Variants in EFCAB14 observed in about 807,000 individuals in gnomAD.
The protein encoded by EFCAB14 is EF-hand calcium binding domain 14.
In EFCAB14, 43 loss-of-function variants were observed where a neutral mutation model predicts 56.5. The ratio of observed to expected loss-of-function variants is 0.76; its 90% CI spans 0.60 to 0.98. The LOEUF (loss-of-function observed/expected upper bound fraction) is 0.98, where lower values mean the gene tolerates loss of function less well. EFCAB14 is among the 50% of genes least tolerant of loss of function. The pLI, the probability that EFCAB14 is intolerant of heterozygous loss-of-function variation, is 0.00. For missense variants in EFCAB14, 538 were observed against 580.3 expected (o/e 0.93, Z 0.75); for synonymous variants, 235 against 212.9 (o/e 1.10, Z -0.90).
Position 46,675,589 on chromosome 1 carries a change from T to C in EFCAB14, c.*2872A>G, listed in dbSNP as rs1569666237. On this transcript the variant is annotated 3_prime_UTR_variant, in exon 11 of 11. Transcript: ENST00000371933. ...GACCGGCAGGACCAGCAAGGGGGGG[T>C]GTTGAAGGGGTTATGAACAGCAACC... 1 of 148,460 alleles carries C rather than the reference T, an allele frequency of 6.7e-6. No individual in the cohort carries two copies. Among genetic ancestry groups the C allele is most frequent in the African/African-American group, 2.5e-5 (1 of 39,872 alleles). The allele number at this position is 148,460 out of a possible 1,614,324, so 9.2% of individuals were successfully genotyped here.
Position 46,696,587 on chromosome 1 carries a change from C to T in EFCAB14, c.543G>A (p.Leu181=). Residue 181 remains leucine, a synonymous_variant, in exon 4 of 11, where the codon TTG becomes TTA. Transcript: ENST00000371933. ...LKANVKSAAD[L]ISLPTTVEGL... is the part of the protein sequence containing the mutation. The stretch of plus-strand genomic sequence containing the variant: ...CCTCTACAGTGGTAGGCAGGCTAAT[C>T]AAGTCTGCAGCTGACTTAACATTGG... 6.2e-7 allele frequency: 1 copy of T among 1,613,636 alleles called. No homozygotes were observed. The highest frequency in any genetic ancestry group is 8.5e-7 in the Non-Finnish European group (1 of 1,179,700).
At chr1:46,701,483 T>C (rs1171959983) in intron 3 of EFCAB14, among the ~76,000 whole-genome samples, 3 of 152,210 alleles carry the variant, frequency 2.0e-5, no homozygotes, top group African/African-American at 7.2e-5. Context: ...AAGCTGTTCT[T>C]TGGGTAAAAA....
chr1:46,691,684 G>T, intron 5 of EFCAB14, 143 bp downstream of exon 5: 1 of 519,674 alleles, frequency 1.9e-6, no homozygotes, highest in Non-Finnish European at 3.4e-6. Flanking sequence ...TTAACAAATT[G>T]TAGAACAATC....
At chr1:46,695,231 A>G (rs1005394230) in intron 4 of EFCAB14, among the ~76,000 whole-genome samples, 3 of 152,330 alleles carry the variant, frequency 2.0e-5, no homozygotes, top group Admixed American at 2.0e-4. Context: ...AAAAAAAAGA[A>G]TAAACCAGTT....
At chr1:46,689,789 T>C in intron 5 of EFCAB14, 98 bp from the exon 6 acceptor site, 1 of 1,028,398 alleles carries the variant, frequency 9.7e-7, no homozygotes, top group Non-Finnish European at 1.5e-6. Flanking sequence ...TCCCCCAGAA[T>C]GCATCCACAG....
chr1:46,708,165 A>G lies in EFCAB14; in HGVS notation c.335-114T>C, dbSNP rs911537565. ...GATGGATTAATAAAAGTTAATTCTGACATTGTTCTTTTATTTATGTAAATA... is the reference window on the plus strand; with the variant it reads ...GATGGATTAATAAAAGTTAATTCTGGCATTGTTCTTTTATTTATGTAAATA... On this transcript the variant is annotated intron_variant, in intron 2 of 10. Transcript: ENST00000371933. 2.7e-5 allele frequency: 28 copies of G among 1,024,676 alleles called. No homozygotes were observed. In the African/African-American group the frequency reaches 2.8e-4, roughly 10 times the overall value. 63.5% of individuals were successfully genotyped at this position (1,024,676 alleles called of 1,614,324 possible). A position where few individuals can be genotyped will look rare whatever the true frequency, so the allele number is the denominator to read the frequency against.
chr1:46,712,786 T>C lies in EFCAB14; in HGVS notation c.334+3509A>G, dbSNP rs185819226. On this transcript the variant is annotated intron_variant, in intron 2 of 10. Coordinates refer to ENST00000371933, the MANE Select transcript of EFCAB14 (RefSeq NM_014774.3). Reference sequence around the variant, plus strand: ...ACTTTGGGAGGCCGAGAAGAGTGAATTACCTGAGGTCAGGAGTTCGAGACC... The same window carrying C: ...ACTTTGGGAGGCCGAGAAGAGTGAACTACCTGAGGTCAGGAGTTCGAGACC... 3.9e-5 allele frequency among the ~76,000 whole-genome samples: 6 copies of C among 152,078 alleles called. No individual in the cohort carries two copies. The East Asian group carries it at 1.2e-3, about 29-fold the overall frequency.
chr1:46,682,868 AC>A (rs2148838016), intron 10 of EFCAB14, among the ~76,000 whole-genome samples: 1 of 152,324 alleles, frequency 6.6e-6, no homozygotes, highest in African/African-American at 2.4e-5. Context: ...TACTAAAAAT[AC>A]AAAAAATTAG....
intron 5 of EFCAB14, 65 bp from the exon 6 acceptor site, chr1:46,689,756 G>T: frequency 7.2e-7 from 1 of 1,390,056 alleles, no homozygotes; most frequent in Non-Finnish European, 1.0e-6. Context: ...AACTATCTGA[G>T]ATTGTCCTAG....
chr1:46,716,697 C>T (rs1232124199), intron 1 of EFCAB14, among the ~76,000 whole-genome samples: 1 of 152,136 alleles, frequency 6.6e-6, no homozygotes, highest in Non-Finnish European at 1.5e-5. Context: ...AACCTAAAGG[C>T]ACTGCAGCTG....
At chr1:46,710,144 A>AT (rs759866217) in intron 2 of EFCAB14, among the ~76,000 whole-genome samples, 3 of 152,228 alleles carry the variant, frequency 2.0e-5, no homozygotes, top group Non-Finnish European at 2.9e-5. Flanking sequence ...ATATTTATTC[A>AT]TTTTCCAAAA....
intron 2 of EFCAB14, among the ~76,000 whole-genome samples, chr1:46,714,798 T>A: frequency 7.1e-6 from 1 of 140,956 alleles, no homozygotes; most frequent in Non-Finnish European, 1.5e-5. Flanking sequence ...CAAGACCTTA[T>A]CTCAAAAAAA....
At chr1:46,689,476 C>A in intron 6 of EFCAB14, 111 bp downstream of exon 6, 2 of 974,198 alleles carry the variant, frequency 2.1e-6, no homozygotes, top group Non-Finnish European at 3.2e-6. Context: ...CCCAGGCAGG[C>A]AAATAAATAC....
At position 46,717,999 on chromosome 1, in the gene EFCAB14, C is replaced by T. The variant is rs1312338594; in HGVS notation, c.89G>A (p.Arg30His). 1.2e-6 allele frequency: 2 copies of T among 1,614,184 alleles called. No individual in the cohort carries two copies. Among genetic ancestry groups the T allele is most frequent in the Non-Finnish European group, 1.7e-6 (2 of 1,180,042 alleles). ...GTCGGGAGGCTCAGTGCGAAGCAGG[C>T]GGTGACTGCTTGGGCCTTTCTTGGG... is the stretch of plus-strand genomic sequence containing the variant. ...KKPKKGPSSH[R>H]LLRTEPPDSD... The change falls in exon 1 of 11, where the codon CGC becomes CAC. Residue 30 changes from arginine to histidine, a missense_variant. Physicochemically the swap from Arg to His is conservative, Grantham distance 29. Transcript: ENST00000371933.
intron 3 of EFCAB14, among the ~76,000 whole-genome samples, chr1:46,702,829 G>A (rs1467155729): frequency 2.6e-5 from 4 of 152,196 alleles, no homozygotes; most frequent in Admixed American, 1.3e-4. Context: ...GCTACACAGA[G>A]TACTATAGGA....
chr1:46,682,536 T>C (rs967903375), intron 10 of EFCAB14, among the ~76,000 whole-genome samples: 1 of 152,250 alleles, frequency 6.6e-6, no homozygotes, highest in Admixed American at 6.5e-5. Flanking sequence ...CAACTTTTAC[T>C]TTATTTTACT....
At chr1:46,717,540 T>TA (rs1221291217) in intron 1 of EFCAB14, among the ~76,000 whole-genome samples, 1 of 152,218 alleles carries the variant, frequency 6.6e-6, no homozygotes, top group Non-Finnish European at 1.5e-5. Context: ...TCTGCAGTCT[T>TA]AAAGTCTCTG....
intron 3 of EFCAB14, among the ~76,000 whole-genome samples, chr1:46,698,521 TC>T (rs1677108230): frequency 6.6e-6 from 1 of 152,148 alleles, no homozygotes; most frequent in Admixed American, 6.6e-5. Flanking sequence ...TTTAGACTGA[TC>T]GGTCTGAGGA....
rs184961077 is a variant in EFCAB14 at position 46,685,785 on chromosome 1, C to G, written c.1074+999G>C. ...AACCACCTATTAGTTTTTTTGTGCT[C>G]AAAATTTACATCTGGCTCTTAAGTT... On this transcript the variant is annotated intron_variant, in intron 8 of 10. Transcript: ENST00000371933. 2.1e-3 allele frequency among the ~76,000 whole-genome samples: 319 copies of G among 152,110 alleles called. 2 individuals carry two copies. The highest frequency in any genetic ancestry group is 2.1e-4 in the Non-Finnish European group (14 of 67,982).
Sources: gnomAD v4.1 joint callset for allele counts (sites outside exome capture counted in the v4.1 genomes callset) on GRCh38, gnomAD v4.1.1 for gene constraint, MANE v1.5 for transcripts, NCBI Gene and HGNC (gene_info 2026-07-23, HGNC 2026-07-21) for gene names.